GBF1: variants seen among roughly 807,000 people sequenced by gnomAD.
The protein encoded by GBF1 is golgi brefeldin A resistant guanine nucleotide exchange factor 1, also known as Golgi-specific brefeldin A-resistance guanine nucleotide exchange factor 1.
A neutral mutation model predicts 210.5 loss-of-function variants in GBF1; 114 were observed. The observed-to-expected ratio is 0.54, with a 90% CI of 0.47 to 0.63. The LOEUF (loss-of-function observed/expected upper bound fraction) is 0.63, where lower values mean the gene tolerates loss of function less well. GBF1 is among the 30% of genes least tolerant of loss of function. The pLI, the probability that GBF1 is intolerant of heterozygous loss-of-function variation, is 0.00. For synonymous variants in GBF1, 850 were observed against 889.2 expected, an observed-to-expected ratio of 0.96 and a Z score of 0.78; for missense variants, 1,851 against 2,357.7, an observed-to-expected ratio of 0.79 and a Z score of 4.45.
intron 15 of GBF1, 79 bp downstream of exon 15, chr10:102,362,743 C>A: frequency 9.4e-7 from 1 of 1,066,326 alleles, no homozygotes; most frequent in Non-Finnish European, 1.4e-6. Flanking sequence ...TTTTTCCTGT[C>A]CCCATATCAC....
At chr10:102,345,060 G>C (rs1245652827) in intron 4 of GBF1, among the ~76,000 whole-genome samples, 1 of 152,116 alleles carries the variant, frequency 6.6e-6, no homozygotes, top group South Asian at 2.1e-4. Context: ...AAGGCGGGTG[G>C]ATCACGAGGT....
rs1028943184 is a variant in GBF1 at position 102,257,055 on chromosome 10, C to A, written c.-10-1874C>A. On this transcript the variant is annotated intron_variant, in intron 1 of 39. Coordinates refer to ENST00000369983, the MANE Select transcript of GBF1 (RefSeq NM_001377137.1). The stretch of plus-strand genomic sequence containing the variant: ...CTTGTCTCAAAAAAACCCCAAAAGA[C>A]AAAACGATTACAGATAAGGCTCAAG... Among the ~76,000 whole-genome samples, 10 of 152,140 alleles carry A rather than the reference C, an allele frequency of 6.6e-5. 1 individual carries two copies. The highest frequency in any genetic ancestry group is 1.5e-4 in the Non-Finnish European group (10 of 68,026).
At chr10:102,316,897 G>A (rs1478969986) in intron 3 of GBF1, among the ~76,000 whole-genome samples, 1 of 152,122 alleles carries the variant, frequency 6.6e-6, no homozygotes, top group Non-Finnish European at 1.5e-5. Flanking sequence ...AATGCAGGAA[G>A]GCCAGTATTG....
chr10:102,303,187 C>T (rs2077542331), intron 3 of GBF1, among the ~76,000 whole-genome samples: 1 of 152,002 alleles, frequency 6.6e-6, no homozygotes, highest in South Asian at 2.1e-4. Flanking sequence ...GGGGTTTCAC[C>T]ATGTTGGCCA....
At chr10:102,298,142 C>T (rs2077055783) in intron 3 of GBF1, among the ~76,000 whole-genome samples, 1 of 152,124 alleles carries the variant, frequency 6.6e-6, no homozygotes, top group Non-Finnish European at 1.5e-5. Flanking sequence ...ACTGTGTTAG[C>T]CAGGCCAGTC....
At chr10:102,364,867 C>A (rs1338271302) in intron 17 of GBF1, among the ~76,000 whole-genome samples, 1 of 151,746 alleles carries the variant, frequency 6.6e-6, no homozygotes, top group Non-Finnish European at 1.5e-5. Context: ...AAAAAAAAAA[C>A]CTAACCCTTT....
chr10:102,358,170 A>G lies in GBF1; in HGVS notation c.771A>G (p.Leu257=). The G allele has an allele frequency of 6.2e-7, 1 of 1,613,792 alleles. No homozygotes were observed. Among genetic ancestry groups the G allele is most frequent in the Non-Finnish European group, 8.5e-7 (1 of 1,179,750 alleles). ...SELPTPNGTT[L]SSNLTGGMPF... ...TGCCCACTCCCAATGGAACCACCTT[A>G]TCATCTAACCTCACTGGTGAGTGCC... The change falls in exon 9 of 40, where the codon TTA becomes TTG. Residue 257 remains leucine (L), a synonymous_variant. Transcript: ENST00000369983.
intron 3 of GBF1, among the ~76,000 whole-genome samples, chr10:102,308,310 A>G (rs189108271): frequency 1.3e-5 from 2 of 152,256 alleles, no homozygotes; most frequent in South Asian, 2.1e-4. Context: ...AATGAGAATT[A>G]GTAAACTACA....
chr10:102,375,168 T>G (rs1398887108), intron 29 of GBF1, among the ~76,000 whole-genome samples, 191 bp from the exon 30 acceptor site: 1 of 150,318 alleles, frequency 6.7e-6, no homozygotes, highest in Non-Finnish European at 1.5e-5. Flanking sequence ...ACCAAGACCC[T>G]GTCTCAAATA....
At position 102,365,411 on chromosome 10, in the gene GBF1, C is replaced by T; in HGVS notation, c.2121C>T (p.Gly707=). The change falls in exon 18 of 40, where the codon GGC becomes GGT. Residue 707 remains glycine, a synonymous_variant. Transcript: ENST00000369983. ...TTCTCATGCAGCTGCTAATCACTGG[C>T]ACAGAGCAGTTCAATCAGAAACCAA... ...IKNKKKLLIT[G]TEQFNQKPKK... is the part of the protein sequence containing the mutation. The T allele has an allele frequency of 6.2e-7, 1 of 1,613,810 alleles. No homozygotes were observed. Among genetic ancestry groups the T allele is most frequent in the South Asian group, 1.1e-5 (1 of 91,062 alleles).
In GBF1 at chr10:102,377,212, G is replaced by A. The variant is rs1365107938; in HGVS notation, c.4494+72G>A. 2.3e-6 allele frequency: 3 copies of A among 1,304,434 alleles called. No individual in the cohort carries two copies. In the African/African-American group the frequency reaches 4.3e-5, roughly 19 times the overall value. The allele number at this position is 1,304,434 out of a possible 1,614,324, so 80.8% of individuals were successfully genotyped here. A position where few individuals can be genotyped will look rare whatever the true frequency, so the allele number is the denominator to read the frequency against. On this transcript the variant is annotated intron_variant, in intron 33 of 39. Coordinates refer to ENST00000369983, the MANE Select transcript of GBF1 (RefSeq NM_001377137.1). ...TGGGAGCCTGGGGCGGCCAGGGAAA[G>A]CCAGGGCTGAGGGGAAGGGCCCATG...
intron 1 of GBF1, among the ~76,000 whole-genome samples, chr10:102,253,498 C>T (rs1367928930): frequency 1.3e-5 from 2 of 152,148 alleles, no homozygotes; most frequent in Non-Finnish European, 2.9e-5. Context: ...ACTTGGTCTG[C>T]ATTTTTTACC....
chr10:102,373,885 T>G (rs373037681), intron 29 of GBF1, among the ~76,000 whole-genome samples: 1 of 152,300 alleles, frequency 6.6e-6, no homozygotes, highest in South Asian at 2.1e-4. Flanking sequence ...CCCAGATGAC[T>G]TTCAATAGGT....
Position 102,367,500 on chromosome 10 carries a change from G to A in GBF1, c.2582G>A (p.Gly861Asp). Residue 861 changes from glycine (G) to aspartate (D), a missense_variant, in exon 21 of 40, where the codon GGT becomes GAT. Physicochemically the swap from Gly to Asp is moderately conservative, Grantham distance 94. Around this residue, in one of 3 missense-constraint regions of GBF1, gnomAD observed 80 missense variants for 151.4 expected, o/e 0.53. Coordinates refer to ENST00000369983, the MANE Select transcript of GBF1 (RefSeq NM_001377137.1). ...TLEEFRKNLK[G>D]VNGGKDFEQD... ...TAGGAGTTTCGCAAAAATCTGAAAG[G>A]TGTGAATGGAGGCAAGGACTTTGAG... 2.5e-6 allele frequency: 4 copies of A among 1,610,602 alleles called. No homozygotes were observed. Among genetic ancestry groups the A allele is most frequent in the Non-Finnish European group, 3.4e-6 (4 of 1,176,786 alleles).
At position 102,358,527 on chromosome 10, in the gene GBF1, T is replaced by G. The variant is rs150542654; in HGVS notation, c.809T>G (p.Val270Gly). The G allele has an allele frequency of 6.2e-7, 1 of 1,613,304 alleles. No individual in the cohort carries two copies. The highest frequency in any genetic ancestry group is 8.5e-7 in the Non-Finnish European group (1 of 1,179,348). ...GCAGGTGGCATGCCCTTCATTGATG[T>G]GCCCACTCCCATCTCCTCTGCAAGT... ...NLTGGMPFID[V>G]PTPISSASSE... The change falls in exon 10 of 40, where the codon GTG becomes GGG. Residue 270 changes from valine to glycine, a missense_variant. Transcript: ENST00000369983.
chr10:102,338,583 A>G (rs929148455), intron 3 of GBF1, among the ~76,000 whole-genome samples: 2 of 151,894 alleles, frequency 1.3e-5, no homozygotes, highest in African/African-American at 4.8e-5. Context: ...GGTCTTGGGT[A>G]TCATATATCT....
In GBF1 at chr10:102,252,142, C is replaced by G. The variant is rs571607715; in HGVS notation, c.-11+6361C>G. 1.1e-3 allele frequency among the ~76,000 whole-genome samples: 160 copies of G among 152,016 alleles called. 1 individual carries two copies. The highest frequency in any genetic ancestry group is 3.7e-3 in the African/African-American group (153 of 41,506). On this transcript the variant is annotated intron_variant, in intron 1 of 39. Coordinates refer to ENST00000369983, the MANE Select transcript of GBF1 (RefSeq NM_001377137.1). ...ATCACCTGAGGCCGGGAGTTTGAGA[C>G]CAGCCTGACCAACACGGAGAAACCT... is the stretch of plus-strand genomic sequence containing the variant.
In GBF1 at chr10:102,268,217, A is replaced by G. The variant is rs372099089; in HGVS notation, c.163+8101A>G. On this transcript the variant is annotated intron_variant, in intron 3 of 39. Transcript: ENST00000369983. ...TCTTGAGAAGAAACAGCTCTGCATA[A>G]TCTGTCCTCTCATGGGTTCAGCTCT... is the stretch of plus-strand genomic sequence containing the variant. Among the ~76,000 whole-genome samples the G allele has an allele frequency of 5.3e-5, 8 of 152,330 alleles. No individual in the cohort carries two copies. The East Asian group carries it at 1.5e-3, about 29-fold the overall frequency.
chr10:102,360,973 TC>T, intron 12 of GBF1, 48 bp from the exon 13 acceptor site: 1 of 681,330 alleles, frequency 1.5e-6, no homozygotes, highest in Non-Finnish European at 2.4e-6. Flanking sequence ...AAACTCCGCC[TC>T]AAAAAAAAAA....
Sources: allele counts gnomAD v4.1 joint callset (sites outside exome capture counted in the v4.1 genomes callset), GRCh38; gene constraint gnomAD v4.1.1; regional missense constraint gnomAD v4.1.1; transcripts MANE v1.5; gene names NCBI Gene and HGNC (gene_info 2026-07-23, HGNC 2026-07-21).